Variants in GRIK2 observed in about 807,000 individuals in gnomAD.
GRIK2 encodes the protein glutamate receptor ionotropic, kainate 2.
Under a neutral mutation model 100.3 loss-of-function variants are expected in GRIK2, and 32 were observed. The observed-to-expected ratio is 0.32, with a 90% CI of 0.24 to 0.43. GRIK2 has a LOEUF of 0.43. GRIK2 is among the 20% of genes least tolerant of loss of function. The probability of loss-of-function intolerance (pLI) is 1.00; values close to 1 mark genes in which losing one functional copy is unlikely to be tolerated. For missense variants in GRIK2, 843 were observed against 1,114.9 expected, an observed-to-expected ratio of 0.76 and a Z score of 3.47; for synonymous variants, 417 against 389.4, an observed-to-expected ratio of 1.07 and a Z score of -0.83.
At chr6:101,673,793 T>A (rs1770615603) in intron 4 of GRIK2, among the ~76,000 whole-genome samples, 1 of 152,180 alleles carries the variant, frequency 6.6e-6, no homozygotes, top group Non-Finnish European at 1.5e-5. Context: ...TTGCTTAATA[T>A]CATTTTCCCC....
At chr6:101,616,945 C>T (rs569252063) in intron 2 of GRIK2, among the ~76,000 whole-genome samples, 1 of 151,474 alleles carries the variant, frequency 6.6e-6, no homozygotes, top group East Asian at 1.9e-4. Flanking sequence ...GTTGTGTTTT[C>T]AGTAGCTAGT....
At position 102,006,102 on chromosome 6, in the gene GRIK2, C is replaced by T. The variant is rs925221075; in HGVS notation, c.2086-29239C>T. Among the ~76,000 whole-genome samples, 12 of 151,692 alleles carry T rather than the reference C, an allele frequency of 7.9e-5. No homozygotes were observed. The South Asian group carries it at 1.7e-3, about 21-fold the overall frequency. On this transcript the variant is annotated intron_variant, in intron 14 of 16. Coordinates refer to ENST00000369134, the MANE Select transcript of GRIK2 (RefSeq NM_021956.5). ...CATTCTCAGGTATTGAGGGTTAGGA[C>T]GTCAACAAATGAATTTGAGGGGGAT...
At chr6:101,783,789 G>T (rs1370183821) in intron 7 of GRIK2, among the ~76,000 whole-genome samples, 1 of 152,202 alleles carries the variant, frequency 6.6e-6, no homozygotes, top group African/African-American at 2.4e-5. Flanking sequence ...TTAGCAAAGA[G>T]ACTGCTTGCA....
At chr6:102,052,795 G>C (rs1447853085) in intron 15 of GRIK2, among the ~76,000 whole-genome samples, 1 of 152,012 alleles carries the variant, frequency 6.6e-6, no homozygotes, top group South Asian at 2.1e-4. Context: ...TTATATAAAA[G>C]AAATTACAGT....
intron 11 of GRIK2, among the ~76,000 whole-genome samples, chr6:101,885,667 C>A (rs1279324418): frequency 6.6e-6 from 1 of 152,068 alleles, no homozygotes; most frequent in African/African-American, 2.4e-5. Flanking sequence ...TCCAGGGCTG[C>A]AAACACAGCA....
intron 2 of GRIK2, among the ~76,000 whole-genome samples, chr6:101,538,781 AC>A (rs1775846018): frequency 6.6e-6 from 1 of 151,738 alleles, no homozygotes; most frequent in Non-Finnish European, 1.5e-5. Flanking sequence ...TGTCTGTAGA[AC>A]AAGGACAAAT....
chr6:101,785,838 T>C (rs1242880254), intron 7 of GRIK2, among the ~76,000 whole-genome samples: 2 of 152,132 alleles, frequency 1.3e-5, no homozygotes, highest in Non-Finnish European at 2.9e-5. Context: ...AAGTTTTTTT[T>C]CTTTTCTATT....
intron 2 of GRIK2, among the ~76,000 whole-genome samples, chr6:101,417,048 T>C (rs1010747248): frequency 6.6e-6 from 1 of 152,204 alleles, no homozygotes; most frequent in African/African-American, 2.4e-5. Flanking sequence ...AGCGGTTTAA[T>C]TGACTCACAG....
intron 16 of GRIK2, among the ~76,000 whole-genome samples, chr6:102,059,653 A>G (rs1029236966): frequency 6.6e-6 from 1 of 151,038 alleles, no homozygotes; most frequent in African/African-American, 2.4e-5. Context: ...ATAAGATATA[A>G]TAATTTTAAT....
At chr6:101,976,347 A>G (rs903728096) in intron 14 of GRIK2, among the ~76,000 whole-genome samples, 13 of 152,080 alleles carry the variant, frequency 8.5e-5, no homozygotes, top group African/African-American at 2.6e-4. Context: ...GATGAGTGTG[A>G]CAACAGGATA....
intron 2 of GRIK2, chr6:101,430,618 C>T: frequency 6.1e-6 from 1 of 162,640 alleles, no homozygotes; most frequent in Non-Finnish European, 1.3e-5. Context: ...CATATAGGTC[C>T]TTGTGAATGT....
At chr6:101,796,229 A>C (rs576232769) in intron 7 of GRIK2, among the ~76,000 whole-genome samples, 1 of 152,282 alleles carries the variant, frequency 6.6e-6, no homozygotes, top group East Asian at 1.9e-4. Context: ...ATGGGATTGC[A>C]CCTGAATAAT....
chr6:101,857,679 A>C (rs1301542555), intron 10 of GRIK2, among the ~76,000 whole-genome samples: 4 of 152,228 alleles, frequency 2.6e-5, no homozygotes, highest in Non-Finnish European at 5.9e-5. Context: ...CAAATAGTGA[A>C]TAGCAGAACC....
intron 14 of GRIK2, among the ~76,000 whole-genome samples, chr6:101,998,820 T>TC (rs1441947944): frequency 1.4e-5 from 2 of 144,836 alleles, no homozygotes; most frequent in Non-Finnish European, 3.0e-5. Context: ...TTCTTTTTTT[T>TC]TTTTTTTTTT....
chr6:101,996,810 T>A lies in GRIK2; in HGVS notation c.2086-38531T>A, dbSNP rs1186026810. On this transcript the variant is annotated intron_variant, in intron 14 of 16. Coordinates refer to ENST00000369134, the MANE Select transcript of GRIK2 (RefSeq NM_021956.5). The stretch of plus-strand genomic sequence containing the variant: ...TTGGCCGTGGGTTTGTTATATTGAA[T>A]CACTACTTAGAAACTTAGTTTCCTC... Among the ~76,000 whole-genome samples the A allele has an allele frequency of 3.3e-5, 5 of 152,224 alleles. No individual in the cohort carries two copies. The South Asian group carries it at 1.0e-3, about 32-fold the overall frequency.
chr6:101,551,586 A>G (rs1459844860), intron 2 of GRIK2, among the ~76,000 whole-genome samples: 1 of 152,124 alleles, frequency 6.6e-6, no homozygotes, highest in Non-Finnish European at 1.5e-5. Flanking sequence ...TTATTTAATA[A>G]ACAAGAATTT....
At position 101,685,394 on chromosome 6, in the gene GRIK2, G is replaced by T. The variant is rs575063335; in HGVS notation, c.778-786G>T. On this transcript the variant is annotated intron_variant, in intron 6 of 16. Coordinates refer to ENST00000369134, the MANE Select transcript of GRIK2 (RefSeq NM_021956.5). The stretch of plus-strand genomic sequence containing the variant: ...TCACAGAACCAATGGCATTAATCTT[G>T]CCTTGATTCTCAATATTGTCCATAA... Among the ~76,000 whole-genome samples the T allele has an allele frequency of 3.3e-5, 5 of 152,176 alleles. No homozygotes were observed. The East Asian group carries it at 9.7e-4, about 29-fold the overall frequency.
chr6:101,876,553 C>T (rs1263765917), intron 11 of GRIK2, among the ~76,000 whole-genome samples: 1 of 151,366 alleles, frequency 6.6e-6, no homozygotes, highest in East Asian at 2.0e-4. Context: ...TCAGGGCCCA[C>T]TTATTCTGAA....
At chr6:101,626,758 G>T in intron 4 of GRIK2, 121 bp downstream of exon 4, 1 of 791,822 alleles carries the variant, frequency 1.3e-6, no homozygotes, top group Non-Finnish European at 2.0e-6. Context: ...TTCAGCTAAG[G>T]GGTAGAAAGA....
Sources: allele counts gnomAD v4.1 joint callset (sites outside exome capture counted in the v4.1 genomes callset), GRCh38; gene constraint gnomAD v4.1.1; transcripts MANE v1.5; gene names NCBI Gene and HGNC (gene_info 2026-07-23, HGNC 2026-07-21).